Variants in GNA14 observed in about 807,000 individuals in gnomAD.
GNA14 encodes G protein subunit alpha 14, also known as guanine nucleotide-binding protein subunit alpha-14.
Under a neutral mutation model 42.0 loss-of-function variants are expected in GNA14, and 50 were observed. That is an observed-to-expected ratio of 1.19 (90% confidence interval 0.95 to 1.51). The LOEUF is 1.51. Among genes scored for constraint, GNA14 ranks in the 40% most tolerant of loss-of-function variants. The pLI is 0.00. For missense variants in GNA14, 473 were observed against 446.2 expected (o/e 1.06, Z -0.54); for synonymous variants, 173 against 163.1 (o/e 1.06, Z -0.46).
chr9:77,475,655 C>T (rs1054999183), intron 2 of GNA14, among the ~76,000 whole-genome samples: 11 of 152,146 alleles, frequency 7.2e-5, no homozygotes, highest in East Asian at 1.9e-4. Flanking sequence ...CACTCCTCTT[C>T]GTTCTTTCTA....
intron 2 of GNA14, chr9:77,517,976 CATATT>C (rs1322180599): frequency 1.3e-5 from 2 of 152,040 alleles, no homozygotes; most frequent in Admixed American, 1.3e-4. Flanking sequence ...CTTATATTGA[CATATT>C]ATGTATAACA....
chr9:77,552,009 G>A (rs1230422976), intron 1 of GNA14, among the ~76,000 whole-genome samples: 1 of 151,512 alleles, frequency 6.6e-6, no homozygotes, highest in African/African-American at 2.4e-5. Context: ...GTGTGGTGGT[G>A]GGCACTGGTA....
intron 1 of GNA14, among the ~76,000 whole-genome samples, chr9:77,647,321 C>A (rs938907125): frequency 2.6e-5 from 4 of 152,182 alleles, no homozygotes; most frequent in Non-Finnish European, 4.4e-5. Context: ...ATGTGGGTCA[C>A]CACAGACCCC....
At chr9:77,495,459 G>A (rs1268953924) in intron 2 of GNA14, among the ~76,000 whole-genome samples, 2 of 152,108 alleles carry the variant, frequency 1.3e-5, no homozygotes, top group African/African-American at 2.4e-5. Flanking sequence ...GGATCCCTGA[G>A]TGACCATTTG....
At chr9:77,644,478 G>C (rs1412048960) in intron 1 of GNA14, among the ~76,000 whole-genome samples, 1 of 134,502 alleles carries the variant, frequency 7.4e-6, no homozygotes, top group African/African-American at 2.9e-5. Flanking sequence ...ACAGGAATGT[G>C]CATGCCCAGA....
At chr9:77,604,867 T>TC (rs1564064748) in intron 1 of GNA14, among the ~76,000 whole-genome samples, 1 of 152,192 alleles carries the variant, frequency 6.6e-6, no homozygotes, top group Non-Finnish European at 1.5e-5. Flanking sequence ...TGATTCAGCA[T>TC]CCCCCAACAT....
At chr9:77,578,676 T>C (rs1347217272) in intron 1 of GNA14, among the ~76,000 whole-genome samples, 1 of 152,212 alleles carries the variant, frequency 6.6e-6, no homozygotes, top group Non-Finnish European at 1.5e-5. Flanking sequence ...GTTTAGAGAC[T>C]GTCCTTGAAA....
chr9:77,507,648 A>T (rs1021279365), intron 2 of GNA14, among the ~76,000 whole-genome samples: 4 of 152,280 alleles, frequency 2.6e-5, no homozygotes, highest in Admixed American at 6.5e-5. Flanking sequence ...ATAATCAGAA[A>T]AACAGCCGTT....
At chr9:77,449,309 G>T (rs1835869437) in intron 2 of GNA14, among the ~76,000 whole-genome samples, 1 of 152,102 alleles carries the variant, frequency 6.6e-6, no homozygotes, top group South Asian at 2.1e-4. Flanking sequence ...TTCTCAGAGG[G>T]TATCCCTTTG....
chr9:77,485,505 C>T (rs762371361), intron 2 of GNA14, among the ~76,000 whole-genome samples: 1 of 152,156 alleles, frequency 6.6e-6, no homozygotes, highest in Non-Finnish European at 1.5e-5. Context: ...TCAGGAATTA[C>T]AAATGTTCTT....
intron 2 of GNA14, chr9:77,526,483 G>A (rs1341526272): frequency 3.9e-5 from 6 of 152,262 alleles, no homozygotes; most frequent in African/African-American, 7.2e-5. Flanking sequence ...CTAATCCAGC[G>A]ACTGGTGTCC....
intron 1 of GNA14, among the ~76,000 whole-genome samples, chr9:77,540,412 G>C (rs1837645091): frequency 6.6e-6 from 1 of 152,254 alleles, no homozygotes; most frequent in Middle Eastern, 3.4e-3. Flanking sequence ...TATAAAGAAT[G>C]TTCCATGTGC....
Position 77,439,641 on chromosome 9 carries a change from AT to A in GNA14, c.310-5120del, listed in dbSNP as rs1240544712. On this transcript the variant is annotated intron_variant, in intron 2 of 6. Coordinates refer to ENST00000341700, the MANE Select transcript of GNA14 (RefSeq NM_004297.4). ...GAAAGAGTGAGATACTGTTTCAAAA[AT>A]AATAATAATGATGATGACCCAAAAG... Among the ~76,000 whole-genome samples, 4 of 152,296 alleles carry A rather than the reference AT, an allele frequency of 2.6e-5. No individual in the cohort carries two copies. The South Asian group carries it at 6.2e-4, about 24-fold the overall frequency.
chr9:77,570,805 AT>A (rs1823047806), intron 1 of GNA14, among the ~76,000 whole-genome samples: 1 of 152,154 alleles, frequency 6.6e-6, no homozygotes, highest in Non-Finnish European at 1.5e-5. Flanking sequence ...CTTTTGTGGA[AT>A]TACCACAGTG....
chr9:77,568,479 G>C (rs963185817), intron 1 of GNA14, among the ~76,000 whole-genome samples: 3 of 134,758 alleles, frequency 2.2e-5, no homozygotes, highest in South Asian at 2.5e-4. Context: ...GTGACAGAGA[G>C]AGACTCCATC....
chr9:77,549,484 T>C (rs905160613), intron 1 of GNA14, among the ~76,000 whole-genome samples: 1 of 152,174 alleles, frequency 6.6e-6, no homozygotes, highest in Non-Finnish European at 1.5e-5. Context: ...CACTTGTCAC[T>C]GAAGGGCCAG....
intron 1 of GNA14, among the ~76,000 whole-genome samples, chr9:77,570,704 T>G (rs1026323108): frequency 6.6e-6 from 1 of 152,354 alleles, no homozygotes; most frequent in Non-Finnish European, 1.5e-5. Context: ...TGCACATTCA[T>G]GTACAAGTTT....
rs116480563 is a variant in GNA14, at chr9:77,564,481, A to G, written c.125-35228T>C. Among the ~76,000 whole-genome samples the G allele has an allele frequency of 4.8e-3, 727 of 152,192 alleles. 7 individuals carry two copies. The highest frequency in any genetic ancestry group is 0.017 in the African/African-American group (690 of 41,522). On this transcript the variant is annotated intron_variant, in intron 1 of 6. Coordinates refer to ENST00000341700, the MANE Select transcript of GNA14 (RefSeq NM_004297.4). ...GCTAGACCTAATGAGCTCACTTTTTAAAAGCATTTATTATACAAGTTATAT... is the reference window on the plus strand; with the variant it reads ...GCTAGACCTAATGAGCTCACTTTTTGAAAGCATTTATTATACAAGTTATAT...
intron 1 of GNA14, among the ~76,000 whole-genome samples, chr9:77,595,917 G>A (rs1823459493): frequency 6.6e-6 from 1 of 151,994 alleles, no homozygotes; most frequent in Middle Eastern, 3.2e-3. Flanking sequence ...GAGTCCTTTG[G>A]AAGATTGCCC....
Sources: gnomAD v4.1 joint callset for allele counts (sites outside exome capture counted in the v4.1 genomes callset) on GRCh38, gnomAD v4.1.1 for gene constraint, MANE v1.5 for transcripts, NCBI Gene and HGNC (gene_info 2026-07-23, HGNC 2026-07-21) for gene names.